NEK6: variants seen among roughly 807,000 people sequenced by gnomAD.
NEK6 encodes the protein serine/threonine-protein kinase Nek6.
A neutral mutation model predicts 43.5 loss-of-function variants in NEK6; 27 were observed. The ratio of observed to expected loss-of-function variants is 0.62; its 90% CI spans 0.46 to 0.86. The LOEUF (loss-of-function observed/expected upper bound fraction) is 0.86, where lower values mean the gene tolerates loss of function less well. Ranked by LOEUF, NEK6 falls within the 40% of genes least tolerant of loss-of-function variation. The pLI is 0.00. For synonymous variants in NEK6, 167 were observed against 164.1 expected, an observed-to-expected ratio of 1.02 and a Z score of -0.14; for missense variants, 318 against 414.4, an observed-to-expected ratio of 0.77 and a Z score of 2.02.
At position 124,282,861 on chromosome 9, in the gene NEK6, C is replaced by T. The variant is rs560009554; in HGVS notation, c.-29-19075C>T. Among the ~76,000 whole-genome samples, 68 of 152,344 alleles carry T rather than the reference C, an allele frequency of 4.5e-4. 1 individual carries two copies. Among genetic ancestry groups the T allele is most frequent in the Middle Eastern group, 6.8e-3 (2 of 294 alleles). On this transcript the variant is annotated intron_variant, in intron 1 of 9. Coordinates refer to ENST00000320246, the MANE Select transcript of NEK6 (RefSeq NM_014397.6). ...GAACGTCTCAGCGCCCAGCATAGGC[C>T]GCCAGCCCTGGCTCTGCTCTTTTGG...
intron 1 of NEK6, among the ~76,000 whole-genome samples, chr9:124,278,314 G>A (rs1027583914): frequency 2.6e-5 from 4 of 152,320 alleles, no homozygotes; most frequent in South Asian, 2.1e-4. Context: ...TGTCCCTGTC[G>A]CTAAGCGATG....
intron 1 of NEK6, among the ~76,000 whole-genome samples, chr9:124,258,533 C>G (rs1830899965): frequency 1.3e-5 from 2 of 152,206 alleles, no homozygotes; most frequent in African/African-American, 4.8e-5. Context: ...ATGCGTGAGC[C>G]TAGAAGGGCG....
At chr9:124,345,283 CGTT>C (rs747435610) in intron 8 of NEK6, among the ~76,000 whole-genome samples, 7 of 152,210 alleles carry the variant, frequency 4.6e-5, no homozygotes, top group Non-Finnish European at 7.3e-5. Flanking sequence ...CCAGGGTAAT[CGTT>C]GTAATCCGCG....
intron 1 of NEK6, among the ~76,000 whole-genome samples, chr9:124,300,362 C>T (rs1832904068): frequency 6.6e-6 from 1 of 152,142 alleles, no homozygotes; most frequent in Non-Finnish European, 1.5e-5. Context: ...ATGCCTTTCC[C>T]ACCTCCTGGA....
rs183316074 is a variant in NEK6, at chr9:124,292,156, T to C, written c.-29-9780T>C. The C allele has an allele frequency of 1.6e-4, 203 of 1,234,286 alleles. No individual in the cohort carries two copies. In the African/African-American group the frequency reaches 2.1e-3, roughly 12 times the overall value. 76.5% of individuals were successfully genotyped at this position (1,234,286 alleles called of 1,614,324 possible). ...TCTTAGGGGTGTGTCCAGCGAGGGA[T>C]GGGGAACCAGGCCCCAGGGACCTCC... On this transcript the variant is annotated intron_variant, in intron 1 of 9. Transcript: ENST00000320246.
upstream of NEK6, chr9:124,257,806 T>C: frequency 7.2e-7 from 1 of 1,384,110 alleles, no homozygotes; most frequent in Non-Finnish European, 9.6e-7. Flanking sequence ...CTCGGCGGAG[T>C]CGAGGGGTCC....
rs1342353734 is a variant in NEK6, at chr9:124,328,345, A to C, written c.622+900A>C. Among the ~76,000 whole-genome samples, 3 of 152,092 alleles carry C rather than the reference A, an allele frequency of 2.0e-5. No homozygotes were observed. The East Asian group carries it at 5.8e-4, about 29-fold the overall frequency. On this transcript the variant is annotated intron_variant, in intron 7 of 9. Transcript: ENST00000320246. ...AGGCTGTCTGGGTTTCACCACGCCC[A>C]TCTGTGGGAACATTTCCCAGAGGCC...
intron 8 of NEK6, among the ~76,000 whole-genome samples, chr9:124,345,611 TC>T (rs1829879695): frequency 6.6e-6 from 1 of 152,162 alleles, no homozygotes. Flanking sequence ...ATGGGCATGA[TC>T]TGAAGTTGAA....
intron 8 of NEK6, among the ~76,000 whole-genome samples, chr9:124,345,728 G>C (rs959883863): frequency 2.0e-5 from 3 of 152,162 alleles, no homozygotes; most frequent in Non-Finnish European, 2.9e-5. Context: ...AACAGTCCAG[G>C]AAAATCCACC....
rs1384021092 is a variant in NEK6 at position 124,343,642 on chromosome 9, C to G, written c.717+3977C>G. The stretch of plus-strand genomic sequence containing the variant: ...GGCCATGTAATTGGAAAGAGGCCTC[C>G]CGCAGTCACGCCCGGAGCCTCCCGC... On this transcript the variant is annotated intron_variant, in intron 8 of 9. Transcript: ENST00000320246. The surrounding 1 kb of genome is among the most constrained non-coding windows in gnomAD (Gnocchi z 5.1). Among the ~76,000 whole-genome samples the G allele has an allele frequency of 6.6e-6, 1 of 152,160 alleles. No homozygotes were observed. Among genetic ancestry groups the G allele is most frequent in the Non-Finnish European group, 1.5e-5 (1 of 68,004 alleles).
chr9:124,328,668 T>C (rs1467239875), intron 7 of NEK6, among the ~76,000 whole-genome samples: 3 of 152,232 alleles, frequency 2.0e-5, no homozygotes, highest in African/African-American at 7.2e-5. Flanking sequence ...CGGAGGCACT[T>C]TCTGGAAGTC....
chr9:124,269,770 T>C lies in NEK6; in HGVS notation c.-30+11685T>C, dbSNP rs184155067. 2.0e-3 allele frequency among the ~76,000 whole-genome samples: 309 copies of C among 152,018 alleles called. 2 individuals are homozygous for C. Among genetic ancestry groups the C allele is most frequent in the Admixed American group, 6.1e-3 (93 of 15,272 alleles). ...TGGCACATAGTAGGTGCTCAGGAAA[T>C]GTGGTTCTTGAGCCTCTGCCCTTCT... On this transcript the variant is annotated intron_variant, in intron 1 of 9. Coordinates refer to ENST00000320246, the MANE Select transcript of NEK6 (RefSeq NM_014397.6).
In NEK6 at chr9:124,330,838, T is replaced by A. The variant is rs372747025; in HGVS notation, c.622+3393T>A. Among the ~76,000 whole-genome samples, 12 of 152,252 alleles carry A rather than the reference T, an allele frequency of 7.9e-5. No homozygotes were observed. In the South Asian group the frequency reaches 1.7e-3, roughly 21 times the overall value. ...GGGCAGGCGTGGGGCTCTGTGATTC[T>A]ATACAGAGCCCCAGGGAGCCCAGGG... On this transcript the variant is annotated intron_variant, in intron 7 of 9. Coordinates refer to ENST00000320246, the MANE Select transcript of NEK6 (RefSeq NM_014397.6).
In NEK6 at chr9:124,299,069, C is replaced by T. The variant is rs114871499; in HGVS notation, c.-29-2867C>T. 7.4e-3 allele frequency among the ~76,000 whole-genome samples: 1,131 copies of T among 152,348 alleles called. 20 individuals are homozygous for T. Among genetic ancestry groups the T allele is most frequent in the African/African-American group, 0.025 (1,058 of 41,574 alleles). The stretch of plus-strand genomic sequence containing the variant: ...GACATTCCCAAGCACCCGCTAGGCT[C>T]CTCCCCAGTGGGATTTGCCCAAGGT... On this transcript the variant is annotated intron_variant, in intron 1 of 9. Transcript: ENST00000320246.
chr9:124,295,331 G>C (rs1182900508), intron 1 of NEK6, among the ~76,000 whole-genome samples: 1 of 152,200 alleles, frequency 6.6e-6, no homozygotes, highest in Non-Finnish European at 1.5e-5. Context: ...CCTCCAGCTT[G>C]ACAGGCCCCC....
At chr9:124,337,300 C>T (rs892170263) in intron 7 of NEK6, among the ~76,000 whole-genome samples, 4 of 152,188 alleles carry the variant, frequency 2.6e-5, no homozygotes, top group African/African-American at 9.7e-5. Flanking sequence ...GCGTTTCCTG[C>T]GGGGAGAAGA....
intron 5 of NEK6, among the ~76,000 whole-genome samples, chr9:124,323,561 T>G (rs1292282284): frequency 6.6e-6 from 1 of 152,102 alleles, no homozygotes; most frequent in Non-Finnish European, 1.5e-5. Flanking sequence ...ACGCAGCCCG[T>G]GGAGAGGACG....
chr9:124,258,158 G>A, intron 1 of NEK6, 73 bp downstream of exon 1: 2 of 976,896 alleles, frequency 2.0e-6, no homozygotes, highest in Non-Finnish European at 2.4e-6. Context: ...CGGGCGGCGG[G>A]GCCGTCACCC....
intron 1 of NEK6, among the ~76,000 whole-genome samples, chr9:124,280,481 G>A (rs1030457930): frequency 1.3e-5 from 2 of 152,246 alleles, no homozygotes; most frequent in African/African-American, 4.8e-5. Flanking sequence ...TGGCAGCAGC[G>A]CCTGGAGTTG....
Sources: gnomAD v4.1 joint callset for allele counts (sites outside exome capture counted in the v4.1 genomes callset) on GRCh38, gnomAD v4.1.1 for gene constraint, Gnocchi (gnomAD v3.1) non-coding constraint, MANE v1.5 for transcripts, NCBI Gene and HGNC (gene_info 2026-07-23, HGNC 2026-07-21) for gene names.